Variants in ST3GAL2 observed in about 807,000 individuals in gnomAD.
The protein encoded by ST3GAL2 is CMP-N-acetylneuraminate-beta-galactosamide-alpha-2,3-sialyltransferase 2.
ST3GAL2 carries 16 observed loss-of-function variants against 37.5 expected under a neutral mutation model. That is an observed-to-expected ratio of 0.43 (90% CI 0.29 to 0.65). ST3GAL2 has a LOEUF of 0.65. Ranked by LOEUF, ST3GAL2 falls within the 30% of genes least tolerant of loss-of-function variation. The pLI is 0.17. For synonymous variants in ST3GAL2, 238 were observed against 202.9 expected (o/e 1.17, Z -1.47); for missense variants, 383 against 487.8 (o/e 0.79, Z 2.02).
At position 70,436,458 on chromosome 16, in the gene ST3GAL2, GA is replaced by G. The variant is rs58205790; in HGVS notation, c.-1004+2490del. On this transcript the variant is annotated intron_variant, in intron 1 of 6. Transcript: ENST00000342907. ...AGAGTGAGACTTCGTCTCAAAAAAA[GA>G]AAAAAAAAAAAAAAAAGACTTCGCA... is the stretch of plus-strand genomic sequence containing the variant. 2.2e-3 allele frequency among the ~76,000 whole-genome samples: 247 copies of G among 112,346 alleles called. 2 individuals carry two copies. The highest frequency in any genetic ancestry group is 8.7e-3 in the East Asian group (30 of 3,464). The allele number at this position is 112,346 out of a possible 152,430, so 73.7% of individuals were successfully genotyped here. A position where few individuals can be genotyped will look rare whatever the true frequency, so the allele number is the denominator to read the frequency against.
At chr16:70,388,655 C>T in intron 3 of ST3GAL2, 109 bp from the exon 4 acceptor site, 1 of 1,218,610 alleles carries the variant, frequency 8.2e-7, no homozygotes, top group Non-Finnish European at 1.1e-6. Flanking sequence ...GGTGTATACT[C>T]CAACCTAGCA....
chr16:70,417,580 G>C (rs1257834634), intron 1 of ST3GAL2, among the ~76,000 whole-genome samples: 1 of 152,212 alleles, frequency 6.6e-6, no homozygotes, highest in Non-Finnish European at 1.5e-5. Context: ...CACAAGCCAG[G>C]AGCAAGATTC....
chr16:70,408,504 C>G (rs2047609418), intron 1 of ST3GAL2, among the ~76,000 whole-genome samples: 1 of 152,052 alleles, frequency 6.6e-6, no homozygotes, highest in South Asian at 2.1e-4. Flanking sequence ...TGAGAATGGG[C>G]CGCTTCACCA....
chr16:70,381,903 C>G, intron 6 of ST3GAL2, 41 bp from the exon 7 acceptor site: 1 of 1,606,612 alleles, frequency 6.2e-7, no homozygotes, highest in Non-Finnish European at 8.5e-7. Flanking sequence ...AGGCGGGGAC[C>G]TGGAGGATGG....
chr16:70,381,950 A>ACGGGAGGCCCCGGGGAGATG (rs1393492262), intron 6 of ST3GAL2, 88 bp from the exon 7 acceptor site: 3 of 1,546,678 alleles, frequency 1.9e-6, no homozygotes, highest in Non-Finnish European at 2.6e-6. Flanking sequence ...AGGAGAGGGG[A>ACGGGAGGCCCCGGGGAGATG]CGGGAGGCCC....
At position 70,395,186 on chromosome 16, in the gene ST3GAL2, G is replaced by C; in HGVS notation, c.340-11C>G. On this transcript the variant is annotated splice_polypyrimidine_tract_variant and intron_variant, in intron 2 of 6. Coordinates refer to ENST00000342907, the MANE Select transcript of ST3GAL2 (RefSeq NM_006927.4). The stretch of plus-strand genomic sequence containing the variant: ...CTGGGGCTGCAGCATCTGTGGAAGG[G>C]AGGGGAAGATGGGAAACGAGGAAGG... 1 of 1,590,804 alleles carries C rather than the reference G, an allele frequency of 6.3e-7. No individual in the cohort carries two copies. Among genetic ancestry groups the C allele is most frequent in the Non-Finnish European group, 8.6e-7 (1 of 1,166,908 alleles).
intron 1 of ST3GAL2, among the ~76,000 whole-genome samples, chr16:70,437,787 A>C (rs948134027): frequency 3.3e-5 from 5 of 152,102 alleles, no homozygotes; most frequent in Non-Finnish European, 5.9e-5. Context: ...CTCTCTAAAA[A>C]CCAGCGATAC....
chr16:70,381,492 T>C lies in ST3GAL2; in HGVS notation c.*197A>G. 4.7e-6 allele frequency: 3 copies of C among 638,576 alleles called. No individual in the cohort carries two copies. Among genetic ancestry groups the C allele is most frequent in the Non-Finnish European group, 7.9e-6 (3 of 377,384 alleles). The allele number at this position is 638,576 out of a possible 1,614,324, so 39.6% of individuals were successfully genotyped here. On this transcript the variant is annotated 3_prime_UTR_variant, in exon 7 of 7. Coordinates refer to ENST00000342907, the MANE Select transcript of ST3GAL2 (RefSeq NM_006927.4). The stretch of plus-strand genomic sequence containing the variant: ...GTTTTCCTTGAGTCACATGATTGGC[T>C]GGGAGAAACAGAAGCTCCGCCCGAC...
At position 70,385,782 on chromosome 16, in the gene ST3GAL2, C is replaced by T. The variant is rs540443043; in HGVS notation, c.714-2547G>A. 5.8e-4 allele frequency among the ~76,000 whole-genome samples: 85 copies of T among 145,520 alleles called. 1 individual carries two copies. The highest frequency in any genetic ancestry group is 1.1e-3 in the Non-Finnish European group (72 of 67,284). On this transcript the variant is annotated intron_variant, in intron 4 of 6. Coordinates refer to ENST00000342907, the MANE Select transcript of ST3GAL2 (RefSeq NM_006927.4). Reference sequence around the variant, plus strand: ...GCAGTGGCGCGATCTGAGCTCACTGCAACCTCTGCCTCCCGGGTTCAAGTG... The same window carrying T: ...GCAGTGGCGCGATCTGAGCTCACTGTAACCTCTGCCTCCCGGGTTCAAGTG...
intron 1 of ST3GAL2, among the ~76,000 whole-genome samples, chr16:70,419,807 G>A (rs2047701395): frequency 6.6e-6 from 1 of 152,116 alleles, no homozygotes; most frequent in African/African-American, 2.4e-5. Flanking sequence ...CACCGGGCTG[G>A]TATGACCTCT....
At chr16:70,385,285 G>A (rs887397955) in intron 4 of ST3GAL2, among the ~76,000 whole-genome samples, 1 of 152,072 alleles carries the variant, frequency 6.6e-6, no homozygotes, top group South Asian at 2.1e-4. Context: ...GACAGAGTGA[G>A]ACTCTGTCTC....
At chr16:70,420,575 G>A (rs915739704) in intron 1 of ST3GAL2, among the ~76,000 whole-genome samples, 1 of 152,216 alleles carries the variant, frequency 6.6e-6, no homozygotes, top group African/African-American at 2.4e-5. Flanking sequence ...GCCTGCAGAC[G>A]TCTGCTGGCC....
intron 1 of ST3GAL2, chr16:70,423,167 C>CA (rs2047727133): frequency 6.6e-6 from 1 of 152,220 alleles, no homozygotes; most frequent in South Asian, 2.1e-4. Context: ...AGCTATCACA[C>CA]AGATCTCCCC....
At chr16:70,402,584 G>T (rs1160567160) in intron 1 of ST3GAL2, among the ~76,000 whole-genome samples, 2 of 152,184 alleles carry the variant, frequency 1.3e-5, no homozygotes, top group African/African-American at 4.8e-5. Flanking sequence ...AGAGGTAGAT[G>T]AAATAAGGAG....
chr16:70,388,861 G>A (rs1055533701), intron 3 of ST3GAL2, among the ~76,000 whole-genome samples: 3 of 148,980 alleles, frequency 2.0e-5, no homozygotes, highest in East Asian at 2.0e-4. Context: ...TCAGGAGTTC[G>A]AGACCAGCCT....
chr16:70,424,377 G>C (rs943593050), intron 1 of ST3GAL2, among the ~76,000 whole-genome samples: 1 of 150,056 alleles, frequency 6.7e-6, no homozygotes, highest in Non-Finnish European at 1.5e-5. Context: ...CGAGGCAGGC[G>C]GATCACCTGA....
intron 3 of ST3GAL2, chr16:70,393,667 C>G (rs1000149589): frequency 1.3e-5 from 2 of 152,238 alleles, no homozygotes; most frequent in Non-Finnish European, 2.9e-5. Flanking sequence ...ATCCCATCTC[C>G]CTCCCATTGG....
In ST3GAL2 at chr16:70,381,959, C is replaced by G. The variant is rs2047409149; in HGVS notation, c.880-97G>C. 2.6e-6 allele frequency: 4 copies of G among 1,516,144 alleles called. No individual in the cohort carries two copies. In the South Asian group the frequency reaches 4.8e-5, roughly 18 times the overall value. The allele number at this position is 1,516,144 out of a possible 1,614,324, so 93.9% of individuals were successfully genotyped here. A position where few individuals can be genotyped will look rare whatever the true frequency, so the allele number is the denominator to read the frequency against. On this transcript the variant is annotated intron_variant, in intron 6 of 6. Coordinates refer to ENST00000342907, the MANE Select transcript of ST3GAL2 (RefSeq NM_006927.4). ...ACAGGGAGGAGAGGGGACGGGAGGC[C>G]CCGGGGAGATGCAGGAGCCCCCAGG...
intron 1 of ST3GAL2, among the ~76,000 whole-genome samples, chr16:70,434,282 CAAAAA>C (rs2047810504): frequency 5.3e-5 from 8 of 152,034 alleles, no homozygotes; most frequent in Admixed American, 5.2e-4. Context: ...AGTAACAATA[CAAAAA>C]TTAGCTGGCT....
Sources: gnomAD v4.1 joint callset for allele counts (sites outside exome capture counted in the v4.1 genomes callset) on GRCh38, gnomAD v4.1.1 for gene constraint, MANE v1.5 for transcripts, NCBI Gene and HGNC (gene_info 2026-07-23, HGNC 2026-07-21) for gene names.